Variants in EHBP1L1 observed in about 807,000 individuals in gnomAD.
EHBP1L1 encodes the protein EH domain-binding protein 1-like protein 1.
A neutral mutation model predicts 151.1 loss-of-function variants in EHBP1L1; 122 were observed. The observed-to-expected ratio is 0.81, with a 90% CI of 0.70 to 0.94. The LOEUF is 0.94. EHBP1L1 is among the 40% of genes least tolerant of loss of function. The pLI is 0.00. For synonymous variants in EHBP1L1, 878 were observed against 810.1 expected, an observed-to-expected ratio of 1.08 and a Z score of -1.42; for missense variants, 1,941 against 1,959.8, an observed-to-expected ratio of 0.99 and a Z score of 0.18.
In EHBP1L1 at chr11:65,580,211, A is replaced by C; in HGVS notation, c.443A>C (p.Glu148Ala). ...AAGTCAGTGAAGGTGGTGCAGGCTG[A>C]GCTGAGCCTCACTCTTTCCGGGGTG... The part of the protein sequence containing the change: ...KPKSVKVVQA[E>A]LSLTLSGVLL... Residue 148 changes from glutamate (E) to alanine (A), a missense_variant, in exon 5 of 19, where the codon GAG becomes GCG. By Grantham distance (107) the Glu-to-Ala change is moderately radical. Transcript: ENST00000309295. 1.2e-6 allele frequency: 2 copies of C among 1,613,620 alleles called. No homozygotes were observed. Among genetic ancestry groups the C allele is most frequent in the Non-Finnish European group, 1.7e-6 (2 of 1,179,870 alleles).
Position 65,582,496 on chromosome 11 carries a change from G to A in EHBP1L1, c.1824G>A (p.Leu608=), listed in dbSNP as rs1172705754. The change falls in exon 9 of 19, where the codon TTG becomes TTA. Residue 608 remains leucine, a synonymous_variant. Transcript: ENST00000309295. ...RTLEIEILGA[L]EKEAARSRVL... ...TAGAAATTGAGATATTGGGGGCCTT[G>A]GAGAAAGAAGCAGCAAGATCAAGGG... 5 of 1,613,260 alleles carry A rather than the reference G, an allele frequency of 3.1e-6. No individual in the cohort carries two copies. Among genetic ancestry groups the A allele is most frequent in the Non-Finnish European group, 4.2e-6 (5 of 1,179,832 alleles).
chr11:65,591,721 AG>A, intron 16 of EHBP1L1, 78 bp from the exon 17 acceptor site: 1 of 1,210,912 alleles, frequency 8.3e-7, no homozygotes, highest in Non-Finnish European at 1.2e-6. Context: ...GGGAGTGGCC[AG>A]AGCCCTGGGC....
Position 65,581,626 on chromosome 11 carries a change from C to T in EHBP1L1, c.954C>T (p.Pro318=). The change falls in exon 9 of 19, where the codon CCC becomes CCT. Residue 318 remains proline, a synonymous_variant. Transcript: ENST00000309295. The part of the protein sequence containing the change: ...KGSDALRPPV[P]QGEDEVPKAS... ...CTGATGCCCTCCGGCCCCCAGTCCC[C>T]CAGGGGGAAGATGAGGTCCCCAAAG... 2 of 1,548,064 alleles carry T rather than the reference C, an allele frequency of 1.3e-6. No individual in the cohort carries two copies. The highest frequency in any genetic ancestry group is 1.7e-6 in the Non-Finnish European group (2 of 1,145,910).
At chr11:65,579,176 G>T (rs1251347392) in intron 2 of EHBP1L1, 41 bp downstream of exon 2, 2 of 1,566,420 alleles carry the variant, frequency 1.3e-6, no homozygotes, top group South Asian at 1.2e-5. Flanking sequence ...TTAGGGATGG[G>T]GGCCGGTGGG....
At chr11:65,586,716 G>A (rs990165303) in intron 12 of EHBP1L1, among the ~76,000 whole-genome samples, 1 of 152,250 alleles carries the variant, frequency 6.6e-6, no homozygotes, top group Non-Finnish European at 1.5e-5. Flanking sequence ...CTGTGAGTGA[G>A]AGACAGAGGG....
intron 12 of EHBP1L1, among the ~76,000 whole-genome samples, chr11:65,587,495 G>C (rs1858034637): frequency 6.6e-6 from 1 of 152,210 alleles, no homozygotes; most frequent in Non-Finnish European, 1.5e-5. Context: ...GCTTCTGCCT[G>C]TCCCGTCAGC....
intron 8 of EHBP1L1, 32 bp downstream of exon 8, chr11:65,581,405 G>A: frequency 6.7e-7 from 1 of 1,499,260 alleles, no homozygotes. Context: ...ACCCCCCATT[G>A]CCCCCTGATA....
At chr11:65,579,041 C>T (rs763096360) in intron 1 of EHBP1L1, 37 bp from the exon 2 acceptor site, 2 of 1,552,452 alleles carry the variant, frequency 1.3e-6, no homozygotes, top group Non-Finnish European at 1.7e-6. Context: ...GACCAAGCAG[C>T]CTGCTCCCTT....
At position 65,582,332 on chromosome 11, in the gene EHBP1L1, T is replaced by C; in HGVS notation, c.1660T>C (p.Ser554Pro). The C allele has an allele frequency of 6.4e-7, 1 of 1,558,708 alleles. No homozygotes were observed. The highest frequency in any genetic ancestry group is 8.6e-7 in the Non-Finnish European group (1 of 1,156,898). Residue 554 changes from serine to proline, a missense_variant, in exon 9 of 19, where the codon TCC (serine) becomes CCC (proline). Transcript: ENST00000309295. ...GTTATCAACTGCCCAGGGGGCAATA[T>C]CCAGGGGTCTGGGAGGCTGGGAGGC... ...ALLSTAQGAI[S>P]RGLGGWEAEA... is the part of the protein sequence containing the mutation.
Position 65,592,627 on chromosome 11 carries a change from A to C in EHBP1L1, c.*325A>C. ...GCTTGCCCTCCTGTTCTCCAGAGCAATAAAGTTGGACGAGACTACCCCAGC... is the reference window on the plus strand; with the variant it reads ...GCTTGCCCTCCTGTTCTCCAGAGCACTAAAGTTGGACGAGACTACCCCAGC... On this transcript the variant is annotated 3_prime_UTR_variant, in exon 19 of 19. Transcript: ENST00000309295. The C allele has an allele frequency of 3.9e-6, 1 of 258,840 alleles. No individual in the cohort carries two copies. Among genetic ancestry groups the C allele is most frequent in the Non-Finnish European group, 7.5e-6 (1 of 133,218 alleles). 16.0% of individuals were successfully genotyped at this position (258,840 alleles called of 1,614,324 possible).
intron 16 of EHBP1L1, 82 bp from the exon 17 acceptor site, chr11:65,591,718 G>A: frequency 8.6e-7 from 1 of 1,168,850 alleles, no homozygotes; most frequent in South Asian, 1.3e-5. Flanking sequence ...TCAGGGAGTG[G>A]CCAGAGCCCT....
At chr11:65,578,867 C>A (rs926733252) in intron 1 of EHBP1L1, among the ~76,000 whole-genome samples, 1 of 152,240 alleles carries the variant, frequency 6.6e-6, no homozygotes, top group Non-Finnish European at 1.5e-5. Flanking sequence ...GGCCTTTGCC[C>A]TTCTGCTCTG....
Position 65,582,371 on chromosome 11 carries a change from T to G in EHBP1L1, c.1699T>G (p.Ser567Ala). 1 of 1,593,448 alleles carries G rather than the reference T, an allele frequency of 6.3e-7. No individual in the cohort carries two copies. Among genetic ancestry groups the G allele is most frequent in the Non-Finnish European group, 8.5e-7 (1 of 1,170,944 alleles). The change falls in exon 9 of 19, where the codon TCA (serine) becomes GCA (alanine). Residue 567 changes from serine (S) to alanine (A), a missense_variant. Physicochemically the swap from Ser to Ala is moderately conservative, Grantham distance 99. Transcript: ENST00000309295. The part of the protein sequence containing the change: ...LGGWEAEAGG[S>A]GDLETETEVV... ...AGGCTGGGAGGCAGAAGCTGGGGGT[T>G]CAGGGGACCTGGAAACAGAGACTGA...
In EHBP1L1 at chr11:65,592,362, G is replaced by A; in HGVS notation, c.*60G>A. 8.1e-7 allele frequency: 1 copy of A among 1,234,466 alleles called. No individual in the cohort carries two copies. 76.5% of individuals were successfully genotyped at this position (1,234,466 alleles called of 1,614,324 possible). ...TCCCCGGCGTCCGCCGCCGCCCCGG[G>A]CCTGCGCTGCGGACGACCCGGCCGT... On this transcript the variant is annotated 3_prime_UTR_variant, in exon 19 of 19. Coordinates refer to ENST00000309295, the MANE Select transcript of EHBP1L1 (RefSeq NM_001099409.3).
intron 3 of EHBP1L1, 60 bp downstream of exon 3, chr11:65,579,496 C>G: frequency 7.6e-7 from 1 of 1,310,842 alleles, no homozygotes; most frequent in South Asian, 1.6e-5. Context: ...GCAACAATTG[C>G]AACACAGGTC....
intron 6 of EHBP1L1, among the ~76,000 whole-genome samples, 170 bp downstream of exon 6, chr11:65,580,649 G>A (rs1182220010): frequency 5.9e-5 from 9 of 152,178 alleles, no homozygotes; most frequent in African/African-American, 7.2e-5. Flanking sequence ...CTGGTCCCAC[G>A]ATAGCCTTGG....
chr11:65,592,338 C>T lies in EHBP1L1; in HGVS notation c.*36C>T. ...CCGGGTGGCCCATAACTTCTCGCGTCCCCGGCGTCCGCCGCCGCCCCGGGC... is the reference window on the plus strand; with the variant it reads ...CCGGGTGGCCCATAACTTCTCGCGTTCCCGGCGTCCGCCGCCGCCCCGGGC... On this transcript the variant is annotated 3_prime_UTR_variant, in exon 19 of 19. Transcript: ENST00000309295. 3 of 1,349,456 alleles carry T rather than the reference C, an allele frequency of 2.2e-6. No individual in the cohort carries two copies. The highest frequency in any genetic ancestry group is 2.8e-6 in the Non-Finnish European group (3 of 1,055,212). The allele number at this position is 1,349,456 out of a possible 1,614,324, so 83.6% of individuals were successfully genotyped here.
rs750276545 is a variant in EHBP1L1 at position 65,581,752 on chromosome 11, G to A, written c.1080G>A (p.Pro360=). Residue 360 remains proline (P), a synonymous_variant, in exon 9 of 19, where the codon CCG becomes CCA. Coordinates refer to ENST00000309295, the MANE Select transcript of EHBP1L1 (RefSeq NM_001099409.3). ...AAGCCCATGGAGCTAGGCTGGGCCC[G>A]AGCATTGAGGATAAAGGTTCTGGAG... The part of the protein sequence containing the change: ...GTEAHGARLG[P]SIEDKGSGDP... The A allele has an allele frequency of 1.8e-5, 29 of 1,607,850 alleles. No homozygotes were observed. Among genetic ancestry groups the A allele is most frequent in the Middle Eastern group, 1.7e-4 (1 of 6,052 alleles).
In EHBP1L1 at chr11:65,581,567, G is replaced by T; in HGVS notation, c.895G>T (p.Ala299Ser). Residue 299 changes from alanine to serine, a missense_variant, in exon 9 of 19, where the codon GCC becomes TCC. Coordinates refer to ENST00000309295, the MANE Select transcript of EHBP1L1 (RefSeq NM_001099409.3). ...RSSRQPAQDTAPTPAPRLRKG... is the reference protein window; with the variant it reads ...RSSRQPAQDTSPTPAPRLRKG... ...TTCAAGGCAGCCAGCCCAGGACACGGCCCCCACCCCAGCCCCTCGGCTCCG... is the reference window on the plus strand; with the variant it reads ...TTCAAGGCAGCCAGCCCAGGACACGTCCCCCACCCCAGCCCCTCGGCTCCG... 1 of 1,509,860 alleles carries T rather than the reference G, an allele frequency of 6.6e-7. No individual in the cohort carries two copies. 93.5% of individuals were successfully genotyped at this position (1,509,860 alleles called of 1,614,324 possible).
Sources: allele counts gnomAD v4.1 joint callset (sites outside exome capture counted in the v4.1 genomes callset), GRCh38; gene constraint gnomAD v4.1.1; transcripts MANE v1.5; gene names NCBI Gene and HGNC (gene_info 2026-07-23, HGNC 2026-07-21).